The following FAM171A1 variants were observed in gnomAD, a reference collection of about 807,000 sequenced individuals.
The protein encoded by FAM171A1 is protein FAM171A1.
FAM171A1 carries 23 observed loss-of-function variants against 74.9 expected under a neutral mutation model. The ratio of observed to expected loss-of-function variants is 0.31; its 90% CI spans 0.22 to 0.44. The LOEUF (loss-of-function observed/expected upper bound fraction) is 0.44, where lower values mean the gene tolerates loss of function less well. Ranked by LOEUF, FAM171A1 falls within the 20% of genes least tolerant of loss-of-function variation. The pLI, the probability that FAM171A1 is intolerant of heterozygous loss-of-function variation, is 1.00. For missense variants in FAM171A1, 1,162 were observed against 1,159.2 expected, an observed-to-expected ratio of 1.00 and a Z score of -0.03; for synonymous variants, 527 against 505.7, an observed-to-expected ratio of 1.04 and a Z score of -0.57.
chr10:15,299,260 C>T lies in FAM171A1; in HGVS notation c.98-15155G>A, dbSNP rs550429603. Among the ~76,000 whole-genome samples the T allele has an allele frequency of 1.4e-4, 21 of 152,206 alleles. No individual in the cohort carries two copies. In the East Asian group the frequency reaches 3.7e-3, roughly 27 times the overall value. ...TAAATTTTTCATGAAGGCACAAAGT[C>T]CCCTTATGAGAATCTGGAAGAATCT... On this transcript the variant is annotated intron_variant, in intron 1 of 7. Coordinates refer to ENST00000378116, the MANE Select transcript of FAM171A1 (RefSeq NM_001010924.2).
intron 5 of FAM171A1, among the ~76,000 whole-genome samples, chr10:15,229,800 A>AGGCGTTTCCAGATCCC (rs1834174296): frequency 1.6e-4 from 3 of 18,360 alleles, no homozygotes; most frequent in African/African-American, 9.8e-4. Flanking sequence ...CATCACCATC[A>AGGCGTTTCCAGATCCC]TCACCATCAC....
At chr10:15,332,893 T>C (rs755533063) in intron 1 of FAM171A1, among the ~76,000 whole-genome samples, 5 of 143,406 alleles carry the variant, frequency 3.5e-5, no homozygotes, top group African/African-American at 5.1e-5. Flanking sequence ...TAATGAAGAG[T>C]GAATATAATC....
intron 7 of FAM171A1, 108 bp downstream of exon 7, chr10:15,215,888 T>C (rs1392091111): frequency 3.1e-6 from 2 of 645,430 alleles, no homozygotes; most frequent in African/African-American, 3.7e-5. Flanking sequence ...AGTACTTCAA[T>C]TTAGAAAAAT....
At chr10:15,254,267 C>T (rs1834546534) in intron 4 of FAM171A1, among the ~76,000 whole-genome samples, 1 of 152,140 alleles carries the variant, frequency 6.6e-6, no homozygotes, top group African/African-American at 2.4e-5. Context: ...TCTTCCCCTC[C>T]TGGCTGCAGC....
At chr10:15,258,040 C>T (rs1355000562) in intron 3 of FAM171A1, among the ~76,000 whole-genome samples, 1 of 152,078 alleles carries the variant, frequency 6.6e-6, no homozygotes, top group Non-Finnish European at 1.5e-5. Flanking sequence ...CCTCTCGCTG[C>T]ATTTCTTTCT....
intron 1 of FAM171A1, among the ~76,000 whole-genome samples, chr10:15,309,284 C>T (rs569869762): frequency 3.9e-5 from 6 of 152,314 alleles, no homozygotes; most frequent in Middle Eastern, 3.4e-3. Context: ...TCATGGCTCA[C>T]GCAGCCTCGG....
chr10:15,255,801 C>T (rs1400783923), intron 3 of FAM171A1, among the ~76,000 whole-genome samples: 4 of 151,938 alleles, frequency 2.6e-5, no homozygotes, highest in African/African-American at 7.3e-5. Flanking sequence ...GTGCCCGCCA[C>T]CACACCCAGC....
chr10:15,307,646 C>CAAAAAAAAAAAAAAAAAAA (rs560861841), intron 1 of FAM171A1, among the ~76,000 whole-genome samples: 1 of 93,198 alleles, frequency 1.1e-5, no homozygotes, highest in Non-Finnish European at 2.0e-5. Flanking sequence ...AACTCCATTT[C>CAAAAAAAAAAAAAAAAAAA]AAAAAAAAAA....
chr10:15,351,762 A>T (rs1835882919), intron 1 of FAM171A1, among the ~76,000 whole-genome samples: 1 of 152,186 alleles, frequency 6.6e-6, no homozygotes, highest in Admixed American at 6.5e-5. Context: ...AAAACTAAAA[A>T]TAAATTTAAG....
chr10:15,232,613 A>G (rs1204584040), intron 5 of FAM171A1, among the ~76,000 whole-genome samples: 1 of 152,238 alleles, frequency 6.6e-6, no homozygotes, highest in Non-Finnish European at 1.5e-5. Flanking sequence ...GGTAAATTCA[A>G]ACACAGCAAA....
intron 6 of FAM171A1, among the ~76,000 whole-genome samples, chr10:15,216,357 G>A (rs984076704): frequency 6.6e-6 from 1 of 152,186 alleles, no homozygotes; most frequent in Non-Finnish European, 1.5e-5. Flanking sequence ...ATGTGGTTAC[G>A]TCAAGGGCCC....
chr10:15,239,136 T>C (rs542913939), intron 5 of FAM171A1, among the ~76,000 whole-genome samples: 1 of 152,106 alleles, frequency 6.6e-6, no homozygotes, highest in South Asian at 2.1e-4. Context: ...TAAACGTCTG[T>C]AAAATAGAGC....
Position 15,213,920 on chromosome 10 carries a change from C to A in FAM171A1, c.1668G>T (p.Arg556=). 2.5e-6 allele frequency: 4 copies of A among 1,614,128 alleles called. No homozygotes were observed. The highest frequency in any genetic ancestry group is 3.4e-6 in the Non-Finnish European group (4 of 1,180,028). The change falls in exon 8 of 8, where the codon CGG becomes CGT. Residue 556 remains arginine, a synonymous_variant. Coordinates refer to ENST00000378116, the MANE Select transcript of FAM171A1 (RefSeq NM_001010924.2). The surrounding 1 kb of genome is among the most constrained non-coding windows in gnomAD (Gnocchi z 6.8). ...DHLERPTSFP[R]PGQLICCSSV... ...AACTGCAGCAGATTAACTGGCCGGG[C>A]CGTGGGAAGGACGTAGGTCTCTCGA...
intron 5 of FAM171A1, among the ~76,000 whole-genome samples, chr10:15,246,645 C>G (rs1834438819): frequency 6.6e-6 from 1 of 152,166 alleles, no homozygotes. Flanking sequence ...ACTTAGCCTC[C>G]CAAGTAGCTG....
intron 3 of FAM171A1, among the ~76,000 whole-genome samples, chr10:15,265,705 T>C (rs1035364474): frequency 5.3e-5 from 8 of 151,804 alleles, no homozygotes; most frequent in Non-Finnish European, 7.4e-5. Context: ...GAATTACTCA[T>C]TGGGTGTCTA....
chr10:15,231,512 C>T (rs892296422), intron 5 of FAM171A1, among the ~76,000 whole-genome samples: 8 of 152,024 alleles, frequency 5.3e-5, no homozygotes, highest in South Asian at 2.1e-4. Flanking sequence ...CCTGAGAACG[C>T]GGTTCTAACG....
intron 1 of FAM171A1, among the ~76,000 whole-genome samples, chr10:15,315,542 C>T (rs1275569258): frequency 1.3e-5 from 2 of 152,194 alleles, no homozygotes; most frequent in Non-Finnish European, 2.9e-5. Context: ...GAGAAATCAC[C>T]TTTTAATACC....
intron 1 of FAM171A1, among the ~76,000 whole-genome samples, chr10:15,339,882 C>A (rs1190753031): frequency 6.6e-6 from 1 of 152,252 alleles, no homozygotes; most frequent in South Asian, 2.1e-4. Flanking sequence ...ATGAAAGTCA[C>A]GTCTTACATG....
chr10:15,352,912 G>A (rs1835895359), intron 1 of FAM171A1, among the ~76,000 whole-genome samples: 1 of 152,218 alleles, frequency 6.6e-6, no homozygotes, highest in South Asian at 2.1e-4. Context: ...TATGCGCTGT[G>A]TGCACATGAA....
Sources: allele counts gnomAD v4.1 joint callset (sites outside exome capture counted in the v4.1 genomes callset), GRCh38; gene constraint gnomAD v4.1.1; non-coding constraint Gnocchi (gnomAD v3.1); transcripts MANE v1.5; gene names NCBI Gene and HGNC (gene_info 2026-07-23, HGNC 2026-07-21).